Variants in CPLX1 observed in about 807,000 individuals in gnomAD.
CPLX1 encodes the protein complexin 1.
A neutral mutation model predicts 15.6 loss-of-function variants in CPLX1; 6 were observed. That is an observed-to-expected ratio of 0.39 (90% CI 0.21 to 0.76). The LOEUF is 0.76. Among genes scored for constraint, CPLX1 ranks in the 30% least tolerant of loss-of-function variants. CPLX1 has a pLI of 0.43. For synonymous variants in CPLX1, 91 were observed against 75.2 expected (o/e 1.21, Z -1.08); for missense variants, 242 against 188.6 (o/e 1.28, Z -1.66).
intron 2 of CPLX1, among the ~76,000 whole-genome samples, chr4:813,264 CAAA>C (rs397881229): frequency 4.7e-4 from 44 of 93,070 alleles, no homozygotes; most frequent in African/African-American, 1.2e-3. Context: ...GACTCTGTCT[CAAA>C]AAAAAAAAAA....
At chr4:791,308 C>T (rs1209251452) in intron 3 of CPLX1, among the ~76,000 whole-genome samples, 2 of 151,698 alleles carry the variant, frequency 1.3e-5, no homozygotes, top group Non-Finnish European at 2.9e-5. Context: ...GGCCCCCACT[C>T]CCCATCAGCG....
rs576236702 is a variant in CPLX1 at position 792,385 on chromosome 4, C to A, written c.207+48G>T. 34 of 1,465,564 alleles carry A rather than the reference C, an allele frequency of 2.3e-5. 1 individual carries two copies. The South Asian group carries it at 4.3e-4, about 19-fold the overall frequency. 90.8% of individuals were successfully genotyped at this position (1,465,564 alleles called of 1,614,324 possible). ...CACCCAGGCGGGATCTGGGTCCCCG[C>A]TGGACTCAGGGCCGCCTTCCCGCAG... On this transcript the variant is annotated intron_variant, in intron 3 of 3. Coordinates refer to ENST00000304062, the MANE Select transcript of CPLX1 (RefSeq NM_006651.4).
At chr4:813,666 A>G (rs1277927857) in intron 2 of CPLX1, among the ~76,000 whole-genome samples, 2 of 152,154 alleles carry the variant, frequency 1.3e-5, no homozygotes, top group Admixed American at 1.3e-4. Flanking sequence ...AGTTCATGGA[A>G]TATCTGCACC....
chr4:811,334 T>C (rs577956272), intron 2 of CPLX1, among the ~76,000 whole-genome samples: 1 of 152,122 alleles, frequency 6.6e-6, no homozygotes, highest in African/African-American at 2.4e-5. Flanking sequence ...TTCATAGAGA[T>C]GGGATCTTGC....
At chr4:812,232 G>C (rs949404883) in intron 2 of CPLX1, among the ~76,000 whole-genome samples, 1 of 151,806 alleles carries the variant, frequency 6.6e-6, no homozygotes, top group East Asian at 1.9e-4. Context: ...CCGCCACCAC[G>C]CCCCGCTAAA....
Position 786,341 on chromosome 4 carries a change from C to T in CPLX1, c.*160G>A. On this transcript the variant is annotated 3_prime_UTR_variant, in exon 4 of 4. Coordinates refer to ENST00000304062, the MANE Select transcript of CPLX1 (RefSeq NM_006651.4). ...TGGGGGGGTCCTGGGGGCGCGCGCC[C>T]CTTGCCGGGTGAGGGAGGCGGCGGG... 1.4e-6 allele frequency: 1 copy of T among 700,738 alleles called. No individual in the cohort carries two copies. Among genetic ancestry groups the T allele is most frequent in the Non-Finnish European group, 2.1e-6 (1 of 469,722 alleles). 43.4% of individuals were successfully genotyped at this position (700,738 alleles called of 1,614,324 possible).
At chr4:801,597 C>T (rs150015055) in intron 2 of CPLX1, among the ~76,000 whole-genome samples, 4 of 152,344 alleles carry the variant, frequency 2.6e-5, no homozygotes, top group Non-Finnish European at 5.9e-5. Flanking sequence ...CAGGCAGTCA[C>T]GTGCTGTGCA....
intron 2 of CPLX1, among the ~76,000 whole-genome samples, chr4:822,591 G>A (rs971302552): frequency 3.3e-5 from 5 of 151,908 alleles, no homozygotes; most frequent in South Asian, 4.2e-4. Flanking sequence ...TTCTTTGAAC[G>A]GCTTCCTGGG....
intron 2 of CPLX1, among the ~76,000 whole-genome samples, chr4:804,453 C>T (rs565772156): frequency 6.6e-6 from 1 of 151,768 alleles, no homozygotes; most frequent in Non-Finnish European, 1.5e-5. Context: ...ACAATAAGTA[C>T]GAAAATATAA....
intron 2 of CPLX1, among the ~76,000 whole-genome samples, chr4:803,373 G>T (rs576871714): frequency 6.6e-6 from 1 of 151,950 alleles, no homozygotes; most frequent in Admixed American, 6.6e-5. Flanking sequence ...CGACAGCACC[G>T]AATTCTCACG....
At chr4:815,570 C>T (rs1025682036) in intron 2 of CPLX1, among the ~76,000 whole-genome samples, 2 of 152,168 alleles carry the variant, frequency 1.3e-5, no homozygotes, top group Non-Finnish European at 2.9e-5. Context: ...GGAGCCCTTA[C>T]AGGAGGTTAA....
chr4:811,692 T>C (rs1379113710), intron 2 of CPLX1, among the ~76,000 whole-genome samples: 2 of 152,228 alleles, frequency 1.3e-5, no homozygotes, highest in Non-Finnish European at 2.9e-5. Flanking sequence ...GAAGGACTAC[T>C]CTGCTGTTGC....
At chr4:799,079 A>C (rs1274455636) in intron 2 of CPLX1, among the ~76,000 whole-genome samples, 1 of 152,210 alleles carries the variant, frequency 6.6e-6, no homozygotes, top group African/African-American at 2.4e-5. Flanking sequence ...CTTTAGAATC[A>C]GGAAACAGAA....
chr4:819,959 C>A (rs529552752), intron 2 of CPLX1, among the ~76,000 whole-genome samples: 40 of 152,326 alleles, frequency 2.6e-4, no homozygotes, highest in African/African-American at 7.9e-4. Context: ...GCAGCTGGGC[C>A]ACCTCCTGAC....
At chr4:821,696 G>A (rs1298145424) in intron 2 of CPLX1, among the ~76,000 whole-genome samples, 3 of 152,130 alleles carry the variant, frequency 2.0e-5, no homozygotes, top group Non-Finnish European at 4.4e-5. Flanking sequence ...GGGGAGGCCC[G>A]GCCCCAGTTC....
chr4:822,858 T>A (rs28437588), intron 2 of CPLX1, among the ~76,000 whole-genome samples: 11 of 136,798 alleles, frequency 8.0e-5, no homozygotes, highest in African/African-American at 2.1e-4. Flanking sequence ...CCTCAGCAGC[T>A]CTGGCTCCGA....
At chr4:790,746 C>T (rs1345296889) in intron 3 of CPLX1, among the ~76,000 whole-genome samples, 6 of 152,116 alleles carry the variant, frequency 3.9e-5, no homozygotes, top group South Asian at 2.1e-4. Context: ...AGCCCACCAT[C>T]GCTTTGTGTC....
chr4:817,226 A>G (rs992387982), intron 2 of CPLX1, among the ~76,000 whole-genome samples: 3 of 147,734 alleles, frequency 2.0e-5, no homozygotes, highest in Admixed American at 6.9e-5. Flanking sequence ...AAGGCTCAGC[A>G]GGGGCACACT....
chr4:811,712 C>T (rs1293608829), intron 2 of CPLX1, among the ~76,000 whole-genome samples: 2 of 152,202 alleles, frequency 1.3e-5, no homozygotes, highest in African/African-American at 4.8e-5. Context: ...CTGCTCAGAG[C>T]GTCTGTGAAC....
Sources: allele counts gnomAD v4.1 joint callset (sites outside exome capture counted in the v4.1 genomes callset), GRCh38; gene constraint gnomAD v4.1.1; transcripts MANE v1.5; gene names NCBI Gene and HGNC (gene_info 2026-07-23, HGNC 2026-07-21).